TRPM1: variants seen among roughly 807,000 people sequenced by gnomAD.
TRPM1 encodes TRPM1-203 APA Isoform, Intron 10.
A neutral mutation model predicts 149.4 loss-of-function variants in TRPM1; 113 were observed. The ratio of observed to expected loss-of-function variants is 0.76; its 90% CI spans 0.65 to 0.88. TRPM1 has a LOEUF of 0.88. TRPM1 is among the 40% of genes least tolerant of loss of function. The pLI is 0.00. For missense variants in TRPM1, 1,976 were observed against 2,038.7 expected (o/e 0.97, Z 0.59); for synonymous variants, 741 against 759.5 (o/e 0.98, Z 0.40).
chr15:31,060,197 T>C (rs73374016), intron 11 of TRPM1: 4,032 of 383,894 alleles, frequency 0.011, 136 homozygotes, highest in African/African-American at 0.078. Flanking sequence ...TCATGGAACA[T>C]AGTTTGAAAA....
intron 7 of TRPM1, chr15:31,064,975 C>T: frequency 2.0e-6 from 1 of 489,652 alleles, no homozygotes; most frequent in Non-Finnish European, 4.3e-6. Context: ...AAATCACCTT[C>T]TTTTCGAGCA....
intron 18 of TRPM1, among the ~76,000 whole-genome samples, chr15:31,038,965 G>GCTC (rs1243374511): frequency 2.0e-5 from 3 of 150,810 alleles, no homozygotes. Flanking sequence ...GGATGCCCAG[G>GCTC]CTCATAGATA....
intron 27 of TRPM1, among the ~76,000 whole-genome samples, chr15:31,008,336 A>G (rs2032067560): frequency 6.6e-6 from 1 of 152,236 alleles, no homozygotes; most frequent in Admixed American, 6.5e-5. Context: ...GCCATTTGTC[A>G]GATTAAGGAG....
Position 31,144,251 on chromosome 15 carries a change from A to G in TRPM1, c.54+16655T>C, listed in dbSNP as rs143023743. Among the ~76,000 whole-genome samples, 32 of 152,294 alleles carry G rather than the reference A, an allele frequency of 2.1e-4. No homozygotes were observed. In the East Asian group the frequency reaches 5.8e-3, roughly 28 times the overall value. Reference sequence around the variant, plus strand: ...ACCCAGTTCAAGACCAGCCTGGGCAACATGGCAAAACCCGTCTCTACAAAA... The same window carrying G: ...ACCCAGTTCAAGACCAGCCTGGGCAGCATGGCAAAACCCGTCTCTACAAAA... On this transcript the variant is annotated intron_variant, in intron 1 of 26. Transcript: ENST00000542188.
chr15:31,071,327 C>CA (rs1450070157), intron 3 of TRPM1, among the ~76,000 whole-genome samples: 1 of 152,142 alleles, frequency 6.6e-6, no homozygotes, highest in East Asian at 1.9e-4. Flanking sequence ...TGCACCCTAG[C>CA]AAATGGGGTG....
At chr15:31,082,454 A>ATCT (rs2034887212) in intron 1 of TRPM1, among the ~76,000 whole-genome samples, 6 of 152,190 alleles carry the variant, frequency 3.9e-5, no homozygotes, top group Admixed American at 3.3e-4. Context: ...TCTGAAATGG[A>ATCT]AATGGCTTTG....
chr15:31,002,061 T>TG lies in TRPM1; in HGVS notation c.4638dup (p.Ile1547HisfsTer3). 2 of 1,614,212 alleles carry TG rather than the reference T, an allele frequency of 1.2e-6. No individual in the cohort carries two copies. The highest frequency in any genetic ancestry group is 1.7e-6 in the Non-Finnish European group (2 of 1,180,036). On this transcript the variant is annotated frameshift_variant, in exon 28 of 28. Coordinates refer to ENST00000256552, the MANE Select transcript of TRPM1 (RefSeq NM_001252024.2). LOFTEE classifies it low-confidence loss of function (END_TRUNC). The stretch of plus-strand genomic sequence containing the variant: ...TTTTCCATCCCATTTCTGTCAGTAA[T>TG]GGTTAGGGACAAGCGAGGGATTCGA...
intron 1 of TRPM1, among the ~76,000 whole-genome samples, chr15:31,121,671 A>G (rs1469733617): frequency 6.6e-6 from 1 of 152,214 alleles, no homozygotes; most frequent in Non-Finnish European, 1.5e-5. Flanking sequence ...AATTAAGTCA[A>G]TAACTAATAA....
At chr15:31,023,942 G>C (rs1022701739) in intron 27 of TRPM1, among the ~76,000 whole-genome samples, 2 of 152,134 alleles carry the variant, frequency 1.3e-5, no homozygotes, top group Non-Finnish European at 1.5e-5. Context: ...CCAAACATTA[G>C]GAGAGAACCA....
chr15:31,080,529 G>A (rs2034826600), intron 2 of TRPM1, among the ~76,000 whole-genome samples: 2 of 152,212 alleles, frequency 1.3e-5, no homozygotes, highest in South Asian at 2.1e-4. Flanking sequence ...CCTCAAAAAC[G>A]TCAAGGCCAC....
intron 13 of TRPM1, among the ~76,000 whole-genome samples, chr15:31,048,692 G>A (rs552376871): frequency 5.0e-4 from 76 of 152,172 alleles, no homozygotes; most frequent in Non-Finnish European, 8.8e-4. Flanking sequence ...TGCACCTGTA[G>A]TCCCAGATAC....
At chr15:31,109,815 A>G (rs2035660640) in intron 1 of TRPM1, among the ~76,000 whole-genome samples, 1 of 152,060 alleles carries the variant, frequency 6.6e-6, no homozygotes, top group South Asian at 2.1e-4. Flanking sequence ...GATGACAGAC[A>G]GTAGGGCATC....
chr15:31,155,038 A>G (rs772962139), intron 1 of TRPM1, among the ~76,000 whole-genome samples: 2 of 152,212 alleles, frequency 1.3e-5, no homozygotes, highest in African/African-American at 4.8e-5. Context: ...CCCTGTCTCC[A>G]TGAATTGGCT....
intron 1 of TRPM1, among the ~76,000 whole-genome samples, chr15:31,096,848 G>A (rs974199041): frequency 2.6e-5 from 4 of 152,116 alleles, no homozygotes; most frequent in African/African-American, 9.7e-5. Flanking sequence ...GTCAGGTGTG[G>A]GCATCTGGGG....
At chr15:31,138,274 T>G (rs1005406405) in intron 1 of TRPM1, among the ~76,000 whole-genome samples, 1 of 152,040 alleles carries the variant, frequency 6.6e-6, no homozygotes, top group Non-Finnish European at 1.5e-5. Flanking sequence ...CTGCCAGCCC[T>G]CTGACAATCT....
chr15:31,149,976 T>G (rs2036278222), intron 1 of TRPM1, among the ~76,000 whole-genome samples: 1 of 152,202 alleles, frequency 6.6e-6, no homozygotes, highest in African/African-American at 2.4e-5. Context: ...ATCCTGTGCT[T>G]GCTGCATCCC....
chr15:31,028,399 C>T lies in TRPM1; in HGVS notation c.3226G>A (p.Ala1076Thr). 6.2e-7 allele frequency: 1 copy of T among 1,614,114 alleles called. No homozygotes were observed. Reference sequence around the variant, plus strand: ...ACCAGTAGATAGCACGCCATGAGTGCTGGAGTGAGCCAGGCGCCGGGGATA... The same window carrying T: ...ACCAGTAGATAGCACGCCATGAGTGTTGGAGTGAGCCAGGCGCCGGGGATA... The part of the protein sequence containing the change: ...PCIPGAWLTP[A>T]LMACYLLVAN... Residue 1076 changes from alanine to threonine, a missense_variant, in exon 25 of 28, where the codon GCA becomes ACA. By Grantham distance (58) the Ala-to-Thr change is moderately conservative. This residue lies in a region of TRPM1 where 72 missense variants were observed against 112.7 expected (regional missense o/e 0.64). Transcript: ENST00000256552.
intron 27 of TRPM1, among the ~76,000 whole-genome samples, chr15:31,024,143 A>G (rs1049436327): frequency 2.6e-5 from 4 of 152,208 alleles, no homozygotes; most frequent in African/African-American, 9.7e-5. Context: ...CTACAGACTG[A>G]ATAGTGCTGG....
At chr15:31,119,069 G>A (rs949391603) in intron 1 of TRPM1, among the ~76,000 whole-genome samples, 4 of 151,858 alleles carry the variant, frequency 2.6e-5, no homozygotes, top group Admixed American at 2.6e-4. Context: ...GAGAAAACCC[G>A]TCTCTACTAA....
Sources: allele counts gnomAD v4.1 joint callset (sites outside exome capture counted in the v4.1 genomes callset), GRCh38; gene constraint gnomAD v4.1.1; regional missense constraint gnomAD v4.1.1; transcripts MANE v1.5; gene names NCBI Gene and HGNC (gene_info 2026-07-23, HGNC 2026-07-21).